RTL1: variants seen among roughly 807,000 people sequenced by gnomAD.
The protein encoded by RTL1 is retrotransposon Gag like 1.
For synonymous variants in RTL1, 727 were observed against 748.4 expected (o/e 0.97, Z 0.47); for missense variants, 1,681 against 1,767.5 (o/e 0.95, Z 0.88).
intron 3 of RTL1, among the ~76,000 whole-genome samples, chr14:100,890,650 G>A (rs1303717617): frequency 2.6e-5 from 4 of 152,092 alleles, no homozygotes; most frequent in Non-Finnish European, 1.5e-5. Flanking sequence ...GTCACACCTG[G>A]GGCCCCTGGC....
At chr14:100,895,308 G>A (rs1289564836) in intron 2 of RTL1, among the ~76,000 whole-genome samples, 1 of 152,148 alleles carries the variant, frequency 6.6e-6, no homozygotes, top group African/African-American at 2.4e-5. Flanking sequence ...GGATGACTGT[G>A]GGGGTCAGAC....
At chr14:100,890,189 C>T (rs950992801) in intron 3 of RTL1, among the ~76,000 whole-genome samples, 1 of 151,922 alleles carries the variant, frequency 6.6e-6, no homozygotes, top group African/African-American at 2.4e-5. Context: ...GAGACAGACG[C>T]CCCAGCCTCA....
In RTL1 at chr14:100,880,857, C is replaced by A. The variant is rs564897625; in HGVS notation, c.3932G>T (p.Arg1311Leu). The change falls in exon 4 of 4, where the codon CGG becomes CTG. Residue 1311 changes from arginine (R) to leucine (L), a missense_variant. Transcript: ENST00000649591. ...SADGQLHLLS[R>L]EQAARALSQF... ...GCTCAGGGCCCTGGCTGCCTGCTCC[C>A]GGCTGAGCAGGTGCAGCTGGCCATC... The A allele has an allele frequency of 1.2e-5, 19 of 1,543,490 alleles. 1 individual carries two copies. In the South Asian group the frequency reaches 2.0e-4, roughly 16 times the overall value.
At position 100,883,936 on chromosome 14, in the gene RTL1, G is replaced by A. The variant is rs781549911; in HGVS notation, c.853C>T (p.Arg285Cys). The A allele has an allele frequency of 6.1e-5, 95 of 1,551,628 alleles. No individual in the cohort carries two copies. In the East Asian group the frequency reaches 8.3e-4, roughly 14 times the overall value. ...GTGAACATGGCCTCTTCTGCCACAC[G>A]CAGTGCCTGGCGGTACTCAAACACT... Reference protein sequence around the residue: ...SEVFEYRQALRVAEEAMFTIR... With the variant: ...SEVFEYRQALCVAEEAMFTIR... Residue 285 changes from arginine to cysteine, a missense_variant, in exon 4 of 4, where the codon CGT becomes TGT. Physicochemically the swap from Arg to Cys is radical, Grantham distance 180. Transcript: ENST00000649591. The surrounding 1 kb of genome is among the most constrained non-coding windows in gnomAD (Gnocchi z 5.9).
chr14:100,898,060 A>G (rs372327811), intron 2 of RTL1: 3 of 453,226 alleles, frequency 6.6e-6, no homozygotes, highest in African/African-American at 4.0e-5. Context: ...CACGGTATGT[A>G]TGCACCATTG....
intron 2 of RTL1, chr14:100,897,842 T>A (rs1465483685): frequency 3.4e-6 from 1 of 296,164 alleles, no homozygotes; most frequent in Non-Finnish European, 7.2e-6. Context: ...GTTTGGGGAG[T>A]GGGCTCACGA....
Position 100,884,804 on chromosome 14 carries a change from G to A in RTL1, c.-16C>T. 1 of 1,545,452 alleles carries A rather than the reference G, an allele frequency of 6.5e-7. No individual in the cohort carries two copies. The highest frequency in any genetic ancestry group is 8.7e-7 in the Non-Finnish European group (1 of 1,145,930). ...GTTCTATCATTTCGTCGGATGGAAA[G>A]GAGTGTATTCTGAAGATTGGTAAGG... On this transcript the variant is annotated 5_prime_UTR_variant, in exon 4 of 4. Transcript: ENST00000649591.
Position 100,883,575 on chromosome 14 carries a change from T to A in RTL1, c.1214A>T (p.Asn405Ile). The change falls in exon 4 of 4, where the codon AAT (asparagine) becomes ATT (isoleucine). Residue 405 changes from asparagine to isoleucine, a missense_variant. Physicochemically the swap from Asn to Ile is moderately radical, Grantham distance 149. Transcript: ENST00000649591. The surrounding 1 kb of genome is among the most constrained non-coding windows in gnomAD (Gnocchi z 5.9). The stretch of plus-strand genomic sequence containing the variant: ...GAGCAGCAGGAAGAGGTGGGCGCGA[T>A]TGATGTCCGGATGGACTTCGCTGGG... ...WLPSEVHPDI[N>I]RAHLFLLLMV... 1 of 1,551,470 alleles carries A rather than the reference T, an allele frequency of 6.4e-7. No individual in the cohort carries two copies. The highest frequency in any genetic ancestry group is 1.2e-5 in the South Asian group (1 of 84,054).
intron 2 of RTL1, chr14:100,894,822 A>G (rs1432144724): frequency 1.3e-5 from 2 of 152,234 alleles, no homozygotes; most frequent in Non-Finnish European, 2.9e-5. Flanking sequence ...ACAATTTGCA[A>G]ATTTGTAGAT....
At chr14:100,895,239 G>A (rs2038839220) in intron 2 of RTL1, among the ~76,000 whole-genome samples, 1 of 152,164 alleles carries the variant, frequency 6.6e-6, no homozygotes, top group Admixed American at 6.5e-5. Flanking sequence ...GGGACATCTG[G>A]GATGGGGCTC....
rs7160896 is a variant in RTL1 at position 100,884,790 on chromosome 14, T to A, written c.-2A>T. On this transcript the variant is annotated 5_prime_UTR_variant, in exon 4 of 4. Coordinates refer to ENST00000649591, the MANE Select transcript of RTL1 (RefSeq NM_001134888.3). Reference sequence around the variant, plus strand: ...TGAGTCTTCAGAGGGTTCTATCATTTCGTCGGATGGAAAGGAGTGTATTCT... The same window carrying A: ...TGAGTCTTCAGAGGGTTCTATCATTACGTCGGATGGAAAGGAGTGTATTCT... 69 of 1,556,992 alleles carry A rather than the reference T, an allele frequency of 4.4e-5. No homozygotes were observed. In the African/African-American group the frequency reaches 9.1e-4, roughly 20 times the overall value.
chr14:100,883,964 G>C lies in RTL1; in HGVS notation c.825C>G (p.Ser275=). The C allele has an allele frequency of 1.3e-6, 2 of 1,551,628 alleles. No homozygotes were observed. Among genetic ancestry groups the C allele is most frequent in the Non-Finnish European group, 1.7e-6 (2 of 1,146,982 alleles). The part of the protein sequence containing the change: ...GDFPAFLEAM[S]EVFEYRQALR... ...GTGCCTGGCGGTACTCAAACACTTC[G>C]GACATGGCCTCCAGGAAGGCTGGGA... Residue 275 remains serine, a synonymous_variant, in exon 4 of 4, where the codon TCC becomes TCG. Transcript: ENST00000649591. The surrounding 1 kb of genome is among the most constrained non-coding windows in gnomAD (Gnocchi z 5.9).
rs759701262 is a variant in RTL1, at chr14:100,881,064, C to T, written c.3725G>A (p.Arg1242His). 2.2e-5 allele frequency: 35 copies of T among 1,602,790 alleles called. No homozygotes were observed. In the East Asian group the frequency reaches 3.8e-4, roughly 18 times the overall value. The change falls in exon 4 of 4, where the codon CGT (arginine) becomes CAT (histidine). Residue 1242 changes from arginine to histidine, a missense_variant. By Grantham distance (29) the Arg-to-His change is conservative. Transcript: ENST00000649591. This position sits in a 1 kb window ranked among gnomAD's most constrained non-coding sequence, Gnocchi z 6.6. Reference protein sequence around the residue: ...LREALQDDLQRYRQCGLHDGL... With the variant: ...LREALQDDLQHYRQCGLHDGL... Reference sequence around the variant, plus strand: ...GTCATGCAGGCCACACTGACGGTAACGTTGCAGGTCGTCTTGCAGGGCTTC... The same window carrying T: ...GTCATGCAGGCCACACTGACGGTAATGTTGCAGGTCGTCTTGCAGGGCTTC...
chr14:100,884,911 T>A, intron 3 of RTL1, 37 bp from the exon 4 acceptor site: 1 of 863,520 alleles, frequency 1.2e-6, no homozygotes, highest in Non-Finnish European at 1.7e-6. Flanking sequence ...GTAAAGGCAG[T>A]AGTTTAGGAT....
At position 100,884,311 on chromosome 14, in the gene RTL1, T is replaced by C. The variant is rs1004401121; in HGVS notation, c.478A>G (p.Thr160Ala). ...PQEQNQTEHSTAELMAMVRSI... is the reference protein window; with the variant it reads ...PQEQNQTEHSAAELMAMVRSI... Reference sequence around the variant, plus strand: ...CTCACCATGGCCATAAGTTCTGCGGTTGAGTGCTCGGTCTGGTTTTGCTCT... The same window carrying C: ...CTCACCATGGCCATAAGTTCTGCGGCTGAGTGCTCGGTCTGGTTTTGCTCT... Residue 160 changes from threonine (T) to alanine (A), a missense_variant, in exon 4 of 4, where the codon ACC (threonine) becomes GCC (alanine). Physicochemically the swap from Thr to Ala is moderately conservative, Grantham distance 58. Transcript: ENST00000649591. 15 of 1,550,746 alleles carry C rather than the reference T, an allele frequency of 9.7e-6. No homozygotes were observed. In the African/African-American group the frequency reaches 1.2e-4, roughly 13 times the overall value.
At chr14:100,900,851 T>A (rs531255604) in intron 2 of RTL1, among the ~76,000 whole-genome samples, 1 of 152,196 alleles carries the variant, frequency 6.6e-6, no homozygotes, top group Non-Finnish European at 1.5e-5. Flanking sequence ...AATGTCACTC[T>A]CCCAAACATT....
At position 100,882,275 on chromosome 14, in the gene RTL1, C is replaced by T; in HGVS notation, c.2514G>A (p.Leu838=). The T allele has an allele frequency of 6.4e-7, 1 of 1,551,618 alleles. No individual in the cohort carries two copies. The highest frequency in any genetic ancestry group is 8.7e-7 in the Non-Finnish European group (1 of 1,147,016). The change falls in exon 4 of 4, where the codon CTG becomes CTA. Residue 838 remains leucine (L), a synonymous_variant. Coordinates refer to ENST00000649591, the MANE Select transcript of RTL1 (RefSeq NM_001134888.3). ...IIAEPLVRQL[L]SSYQFYWGVE... is the part of the protein sequence containing the mutation. ...CTCCCCAGTAGAACTGGTAGGAGCT[C>T]AGCAGCTGCCGCACCAGGGGCTCTG...
chr14:100,881,531 C>T lies in RTL1; in HGVS notation c.3258G>A (p.Trp1086Ter), dbSNP rs1415688668. 2 of 1,551,712 alleles carry T rather than the reference C, an allele frequency of 1.3e-6. No individual in the cohort carries two copies. Among genetic ancestry groups the T allele is most frequent in the Non-Finnish European group, 8.7e-7 (1 of 1,147,012 alleles). The change falls in exon 4 of 4, where the codon TGG becomes TGA. Residue 1086 changes from tryptophan (W) to a stop codon, truncating the protein, a stop_gained. Transcript: ENST00000649591. LOFTEE classifies it low-confidence loss of function (END_TRUNC). This position sits in a 1 kb window ranked among gnomAD's most constrained non-coding sequence, Gnocchi z 6.6. ...TGGCTGCCAGGGCTAGGGTGTTCTT[C>T]CAGTACAGGAGGCCTCGGAAGAAGT... The part of the protein sequence containing the change: ...ILHFFRGLLY[W>*]KNTLALAAIL...
chr14:100,901,841 T>G, intron 2 of RTL1, among the ~76,000 whole-genome samples: 1 of 152,164 alleles, frequency 6.6e-6, no homozygotes, highest in South Asian at 2.1e-4. Context: ...CATTGCCTTA[T>G]TGGGACAGAG....
Sources: gnomAD v4.1 joint callset for allele counts (sites outside exome capture counted in the v4.1 genomes callset) on GRCh38, gnomAD v4.1.1 for gene constraint, Gnocchi (gnomAD v3.1) non-coding constraint, MANE v1.5 for transcripts, NCBI Gene and HGNC (gene_info 2026-07-23, HGNC 2026-07-21) for gene names.